Variants in CACNB2 observed in about 807,000 individuals in gnomAD.
CACNB2 encodes calcium voltage-gated channel auxiliary subunit beta 2, also known as voltage-dependent L-type calcium channel subunit beta-2.
In CACNB2, 42 loss-of-function variants were observed where a neutral mutation model predicts 73.3. The observed-to-expected ratio is 0.57, with a 90% CI of 0.45 to 0.74. The LOEUF (loss-of-function observed/expected upper bound fraction) is 0.74, where lower values mean the gene tolerates loss of function less well. Among genes scored for constraint, CACNB2 ranks in the 30% least tolerant of loss-of-function variants. The pLI, the probability that CACNB2 is intolerant of heterozygous loss-of-function variation, is 0.00. For synonymous variants in CACNB2, 348 were observed against 310.3 expected, an observed-to-expected ratio of 1.12 and a Z score of -1.28; for missense variants, 940 against 853.0, an observed-to-expected ratio of 1.10 and a Z score of -1.27.
At position 18,518,386 on chromosome 10, in the gene CACNB2, C is replaced by T; in HGVS notation, c.855C>T (p.Val285=). Residue 285 remains valine, a synonymous_variant, in exon 8 of 14, where the codon GTC becomes GTT. Transcript: ENST00000324631. ...TGGTACCTTCCATGCGACCAGTGGT[C>T]CTAGTGGGCCCTTCTCTGAAGGGCT... The part of the protein sequence containing the change: ...YDVVPSMRPV[V]LVGPSLKGYE... 1.9e-6 allele frequency: 3 copies of T among 1,613,208 alleles called. No homozygotes were observed. Among genetic ancestry groups the T allele is most frequent in the Non-Finnish European group, 1.7e-6 (2 of 1,179,230 alleles).
chr10:18,312,885 G>A (rs1156807920), intron 2 of CACNB2, among the ~76,000 whole-genome samples: 2 of 152,060 alleles, frequency 1.3e-5, no homozygotes, highest in Non-Finnish European at 2.9e-5. Context: ...CACATTTCAA[G>A]GTCATGCTAC....
chr10:18,344,203 T>A (rs989020517), intron 2 of CACNB2, among the ~76,000 whole-genome samples: 1 of 152,052 alleles, frequency 6.6e-6, no homozygotes, highest in African/African-American at 2.4e-5. Context: ...ATAATGTCCA[T>A]AAGGCCTGGT....
In CACNB2 at chr10:18,534,491, G is replaced by C. The variant is rs10828866; in HGVS notation, c.1206+264G>C. Among the ~76,000 whole-genome samples the C allele has an allele frequency of 0.17, 26,239 of 152,102 alleles. 2,738 individuals are homozygous for C. The highest frequency in any genetic ancestry group is 0.32 in the East Asian group (1,677 of 5,170). On this transcript the variant is annotated intron_variant, in intron 11 of 13. Coordinates refer to ENST00000324631, the MANE Select transcript of CACNB2 (RefSeq NM_201596.3). ...AAAACTACTTCCATGATAATACTAA[G>C]ACATTATTTGCCATTTTCACTGTTT...
At chr10:18,395,476 A>G (rs1014216385) in intron 2 of CACNB2, among the ~76,000 whole-genome samples, 7 of 152,162 alleles carry the variant, frequency 4.6e-5, no homozygotes, top group Non-Finnish European at 7.3e-5. Flanking sequence ...TCACTGAGAT[A>G]TTAAGTTTCA....
chr10:18,224,989 G>A (rs139305504), intron 2 of CACNB2, among the ~76,000 whole-genome samples: 27 of 152,198 alleles, frequency 1.8e-4, no homozygotes, highest in Non-Finnish European at 2.8e-4. Flanking sequence ...CGCGTGTTTC[G>A]CTCTCTATGG....
intron 2 of CACNB2, among the ~76,000 whole-genome samples, chr10:18,297,101 G>T (rs1241332084): frequency 2.0e-5 from 3 of 152,126 alleles, no homozygotes; most frequent in Admixed American, 2.0e-4. Flanking sequence ...ACATGAATTC[G>T]GGGATTTATC....
intron 2 of CACNB2, among the ~76,000 whole-genome samples, chr10:18,187,331 C>T (rs539549976): frequency 6.6e-6 from 1 of 152,284 alleles, no homozygotes; most frequent in African/African-American, 2.4e-5. Context: ...AGTGAGCATA[C>T]ATTAATCTGA....
intron 2 of CACNB2, among the ~76,000 whole-genome samples, chr10:18,286,095 T>C (rs1235650784): frequency 2.0e-5 from 3 of 152,240 alleles, no homozygotes; most frequent in Non-Finnish European, 4.4e-5. Flanking sequence ...ATTATAATTT[T>C]GAAGTACCAA....
At chr10:18,239,644 A>G (rs1408909768) in intron 2 of CACNB2, among the ~76,000 whole-genome samples, 1 of 152,170 alleles carries the variant, frequency 6.6e-6, no homozygotes, top group Non-Finnish European at 1.5e-5. Context: ...TACAAGTGCA[A>G]GTATCTTTTG....
At chr10:18,418,865 A>G (rs536634911) in intron 3 of CACNB2, among the ~76,000 whole-genome samples, 19 of 152,320 alleles carry the variant, frequency 1.2e-4, no homozygotes, top group African/African-American at 4.6e-4. Context: ...TGTACAGTCT[A>G]ATCTTCTCGT....
At chr10:18,300,314 G>A (rs2039457145) in intron 2 of CACNB2, among the ~76,000 whole-genome samples, 1 of 152,148 alleles carries the variant, frequency 6.6e-6, no homozygotes, top group African/African-American at 2.4e-5. Flanking sequence ...GAGCCACCAC[G>A]CCCAGCGGTG....
intron 2 of CACNB2, among the ~76,000 whole-genome samples, chr10:18,286,270 A>G (rs371075320): frequency 4.6e-5 from 7 of 152,128 alleles, no homozygotes; most frequent in African/African-American, 1.7e-4. Context: ...TAATCCCAGC[A>G]CTTTGGGAGG....
At chr10:18,342,699 C>T (rs535011471) in intron 2 of CACNB2, among the ~76,000 whole-genome samples, 1 of 152,190 alleles carries the variant, frequency 6.6e-6, no homozygotes, top group Admixed American at 6.5e-5. Flanking sequence ...TTTAAAACAA[C>T]TCTTTTTAAA....
intron 2 of CACNB2, among the ~76,000 whole-genome samples, chr10:18,253,736 A>G (rs578177115): frequency 6.6e-6 from 1 of 152,244 alleles, no homozygotes; most frequent in Non-Finnish European, 1.5e-5. Context: ...TAATAAAGAG[A>G]ATTTTACTTT....
At chr10:18,519,193 C>T (rs551562100) in intron 9 of CACNB2, among the ~76,000 whole-genome samples, 1 of 152,302 alleles carries the variant, frequency 6.6e-6, no homozygotes, top group South Asian at 2.1e-4. Flanking sequence ...CATAAGCTGA[C>T]CTTGGGCAGG....
At chr10:18,421,974 T>C (rs2045349410) in intron 3 of CACNB2, among the ~76,000 whole-genome samples, 1 of 152,220 alleles carries the variant, frequency 6.6e-6, no homozygotes, top group Non-Finnish European at 1.5e-5. Flanking sequence ...TGGGCAAATA[T>C]ACACTACTGT....
intron 2 of CACNB2, among the ~76,000 whole-genome samples, chr10:18,361,657 G>A (rs185574860): frequency 1.4e-5 from 2 of 138,602 alleles, no homozygotes; most frequent in East Asian, 2.1e-4. Flanking sequence ...CTATTGCTCC[G>A]GCTGGAGTGC....
chr10:18,503,509 T>C (rs1415915478), intron 5 of CACNB2, among the ~76,000 whole-genome samples: 1 of 152,174 alleles, frequency 6.6e-6, no homozygotes, highest in African/African-American at 2.4e-5. Flanking sequence ...GGTATGAGAA[T>C]CACTTCAACT....
rs750387227 is a variant in CACNB2 at position 18,539,365 on chromosome 10, C to G, written c.1624C>G (p.Arg542Gly). The change falls in exon 14 of 14, where the codon CGC (arginine) becomes GGC (glycine). Residue 542 changes from arginine (R) to glycine (G), a missense_variant. Coordinates refer to ENST00000324631, the MANE Select transcript of CACNB2 (RefSeq NM_201596.3). ...CTCCTCAGCCCCACACCACAACCAT[C>G]GCAGTGGGACAAGTCGCGGCCTCTC... ...SSSSAPHHNH[R>G]SGTSRGLSRQ... is the part of the protein sequence containing the mutation. The G allele has an allele frequency of 1.2e-5, 19 of 1,614,118 alleles. No individual in the cohort carries two copies. The highest frequency in any genetic ancestry group is 1.6e-5 in the Non-Finnish European group (19 of 1,180,022).
Sources: gnomAD v4.1 joint callset for allele counts (sites outside exome capture counted in the v4.1 genomes callset) on GRCh38, gnomAD v4.1.1 for gene constraint, MANE v1.5 for transcripts, NCBI Gene and HGNC (gene_info 2026-07-23, HGNC 2026-07-21) for gene names.